PRTN3: variants seen among roughly 807,000 people sequenced by gnomAD.
PRTN3 encodes the protein proteinase 3, also known as myeloblastin.
In PRTN3, 22 loss-of-function variants were observed where a neutral mutation model predicts 20.7. The ratio of observed to expected loss-of-function variants is 1.06; its 90% CI spans 0.76 to 1.52. The LOEUF (loss-of-function observed/expected upper bound fraction) is 1.52, where lower values mean the gene tolerates loss of function less well. Ranked by LOEUF, PRTN3 falls within the 40% of genes most tolerant of loss-of-function variation. PRTN3 has a pLI of 0.00. For missense variants in PRTN3, 378 were observed against 359.6 expected (o/e 1.05, Z -0.41); for synonymous variants, 173 against 152.9 (o/e 1.13, Z -0.97).
chr19:843,616 C>T lies in PRTN3; in HGVS notation c.217C>T (p.Leu73=), dbSNP rs1469578606. The change falls in exon 2 of 5, where the codon CTG becomes TTG. Residue 73 remains leucine (L), a synonymous_variant. Coordinates refer to ENST00000234347, the MANE Select transcript of PRTN3 (RefSeq NM_002777.4). ...CTTCGTGCTGACGGCCGCGCACTGC[C>T]TGCGGGACATGTGAGCGGCCGCCTC... is the stretch of plus-strand genomic sequence containing the variant. ...PSFVLTAAHC[L]RDIPQRLVNV... 2 of 1,587,776 alleles carry T rather than the reference C, an allele frequency of 1.3e-6. No individual in the cohort carries two copies. The highest frequency in any genetic ancestry group is 2.3e-5 in the South Asian group (2 of 88,446).
intron 1 of PRTN3, among the ~76,000 whole-genome samples, chr19:842,093 TCA>T (rs2035452574): frequency 6.6e-6 from 1 of 151,610 alleles, no homozygotes; most frequent in African/African-American, 2.4e-5. Context: ...TGGTGCAATC[TCA>T]GTTTACTGCA....
chr19:847,583 A>AG (rs1568301075), intron 4 of PRTN3, among the ~76,000 whole-genome samples: 4 of 144,476 alleles, frequency 2.8e-5, no homozygotes, highest in African/African-American at 1.1e-4. Flanking sequence ...GAGAGAGAGA[A>AG]AGAAAGAAAG....
In PRTN3 at chr19:843,951, AC is replaced by A. The variant is rs2035480441; in HGVS notation, c.289del (p.Gln97SerfsTer11). On this transcript the variant is annotated frameshift_variant, in exon 3 of 5. Coordinates refer to ENST00000234347, the MANE Select transcript of PRTN3 (RefSeq NM_002777.4). LOFTEE classifies it high-confidence loss of function. ...GAHNVRTQEP[T>X]QQHFSVAQVF... ...CCACAACGTGCGGACGCAGGAGCCC[AC>A]CCAGCAGCACTTCTCGGTGGCTCAG... 1 of 1,596,834 alleles carries A rather than the reference AC, an allele frequency of 6.3e-7. No individual in the cohort carries two copies. The highest frequency in any genetic ancestry group is 8.5e-7 in the Non-Finnish European group (1 of 1,173,860).
intron 1 of PRTN3, among the ~76,000 whole-genome samples, chr19:841,999 T>C (rs2145124129): frequency 6.6e-6 from 1 of 150,832 alleles, no homozygotes; most frequent in South Asian, 2.1e-4. Flanking sequence ...AGTGCTGGGA[T>C]TACAGGCGTG....
rs761543926 is a variant in PRTN3 at position 846,124 on chromosome 19, C to T, written c.370-23C>T. On this transcript the variant is annotated intron_variant, in intron 3 of 4. Transcript: ENST00000234347. ...ACCGTGACCTGGAAGCAGCGTCTCA[C>T]CGCCGCCTGCCTTCTGCCCCAGCTG... 3.6e-5 allele frequency: 51 copies of T among 1,400,012 alleles called. 1 individual carries two copies. In the Admixed American group the frequency reaches 5.1e-4, roughly 14 times the overall value. 86.7% of individuals were successfully genotyped at this position (1,400,012 alleles called of 1,614,324 possible).
Position 848,068 on chromosome 19 carries a change from G to A in PRTN3, c.*99G>A, listed in dbSNP as rs1034966547. The A allele has an allele frequency of 1.3e-5, 18 of 1,416,702 alleles. No individual in the cohort carries two copies. The highest frequency in any genetic ancestry group is 2.5e-4 in the Middle Eastern group (1 of 3,964). The allele number at this position is 1,416,702 out of a possible 1,614,324, so 87.8% of individuals were successfully genotyped here. A position where few individuals can be genotyped will look rare whatever the true frequency, so the allele number is the denominator to read the frequency against. ...GCAGCTCTTCCCCGAACACTGTGGC[G>A]TCCGGGACGGCCCCACCCGTCCCCC... On this transcript the variant is annotated 3_prime_UTR_variant, in exon 5 of 5. Coordinates refer to ENST00000234347, the MANE Select transcript of PRTN3 (RefSeq NM_002777.4).
chr19:841,048 C>T lies in PRTN3; in HGVS notation c.40C>T (p.Leu14=). The change falls in exon 1 of 5, where the codon CTG becomes TTG. Residue 14 remains leucine, a synonymous_variant. Transcript: ENST00000234347. ...RPPSPALASV[L]LALLLSGAAR... is the part of the protein sequence containing the mutation. ...CCCCAGCCCTGCCCTGGCGTCCGTG[C>T]TGCTGGCCTTGCTGCTGAGCGGTGA... 6.2e-7 allele frequency: 1 copy of T among 1,607,732 alleles called. No individual in the cohort carries two copies.
Position 847,699 on chromosome 19 carries a change from C to T in PRTN3, c.601-100C>T, listed in dbSNP as rs1014178605. 9.2e-6 allele frequency: 13 copies of T among 1,413,430 alleles called. No homozygotes were observed. In the Admixed American group the frequency reaches 2.1e-4, roughly 23 times the overall value. The allele number at this position is 1,413,430 out of a possible 1,614,324, so 87.6% of individuals were successfully genotyped here. On this transcript the variant is annotated intron_variant, in intron 4 of 4. Coordinates refer to ENST00000234347, the MANE Select transcript of PRTN3 (RefSeq NM_002777.4). ...GGGTGACTGGCTGTCCCCATCCTCC[C>T]GGGAGACTCAGGTGGCCCCTGATGG...
chr19:847,759 G>C, intron 4 of PRTN3, 40 bp from the exon 5 acceptor site: 1 of 1,573,436 alleles, frequency 6.4e-7, no homozygotes, highest in Non-Finnish European at 8.6e-7. Context: ...GGGAGACTCA[G>C]GTGGCCCCTG....
intron 1 of PRTN3, among the ~76,000 whole-genome samples, chr19:843,168 G>A (rs555196317): frequency 2.0e-5 from 3 of 152,216 alleles, no homozygotes; most frequent in South Asian, 4.2e-4. Context: ...CTCCTGCCTC[G>A]GCCTCCCAAA....
At chr19:841,216 C>T (rs2035434034) in intron 1 of PRTN3, 147 bp downstream of exon 1, 1 of 1,105,536 alleles carries the variant, frequency 9.0e-7, no homozygotes, top group Admixed American at 2.3e-5. Flanking sequence ...CTGCTCGGGA[C>T]CAACGCTTGC....
At chr19:842,482 T>C (rs7247992) in intron 1 of PRTN3, among the ~76,000 whole-genome samples, 53,458 of 126,554 alleles carry the variant, frequency 0.42, 11,603 homozygotes, top group Admixed American at 0.53. Flanking sequence ...TGCAGTGGTG[T>C]GATCTCGGCT....
intron 3 of PRTN3, among the ~76,000 whole-genome samples, chr19:845,327 T>G (rs928610605): frequency 6.6e-6 from 1 of 152,002 alleles, no homozygotes; most frequent in Non-Finnish European, 1.5e-5. Flanking sequence ...GAGGATCACT[T>G]GAGCCCAGGA....
In PRTN3 at chr19:841,002, C is replaced by T; in HGVS notation, c.-7C>T. The T allele has an allele frequency of 6.2e-7, 1 of 1,609,380 alleles. No individual in the cohort carries two copies. On this transcript the variant is annotated 5_prime_UTR_variant, in exon 1 of 5. Transcript: ENST00000234347. ...AGCTTGACCGTGGGTGCACCCTGGA[C>T]CCCACCATGGCTCACCGGCCCCCCA...
At chr19:847,394 G>A (rs935416334) in intron 4 of PRTN3, among the ~76,000 whole-genome samples, 4 of 151,608 alleles carry the variant, frequency 2.6e-5, no homozygotes, top group African/African-American at 4.9e-5. Flanking sequence ...CCGAGATCAC[G>A]GCACTGCACT....
intron 1 of PRTN3, among the ~76,000 whole-genome samples, chr19:842,060 C>G (rs1192295320): frequency 6.6e-6 from 1 of 151,504 alleles, no homozygotes; most frequent in Non-Finnish European, 1.5e-5. Context: ...GAATCTTGCT[C>G]TGTCGCCCAG....
At chr19:843,741 C>A (rs2035476225) in intron 2 of PRTN3, 115 bp downstream of exon 2, 1 of 1,455,672 alleles carries the variant, frequency 6.9e-7, no homozygotes, top group South Asian at 1.4e-5. Context: ...CTGCAGACCC[C>A]AGGCCCCGCG....
chr19:845,596 C>A lies in PRTN3; in HGVS notation c.370-551C>A, dbSNP rs2035505640. On this transcript the variant is annotated intron_variant, in intron 3 of 4. Transcript: ENST00000234347. Reference sequence around the variant, plus strand: ...GGGCGTGACGGCAGGTGTCTGTAGTCCCAGCTACTTGGGAGGCTGAGGCAG... The same window carrying A: ...GGGCGTGACGGCAGGTGTCTGTAGTACCAGCTACTTGGGAGGCTGAGGCAG... Among the ~76,000 whole-genome samples, 3 of 151,790 alleles carry A rather than the reference C, an allele frequency of 2.0e-5. No individual in the cohort carries two copies. The South Asian group carries it at 6.2e-4, about 32-fold the overall frequency.
rs1039910171 is a variant in PRTN3, at chr19:843,305, C to A, written c.62-156C>A. 33 of 718,180 alleles carry A rather than the reference C, an allele frequency of 4.6e-5. No individual in the cohort carries two copies. The African/African-American group carries it at 6.1e-4, about 13-fold the overall frequency. 44.5% of individuals were successfully genotyped at this position (718,180 alleles called of 1,614,324 possible). On this transcript the variant is annotated intron_variant, in intron 1 of 4. Transcript: ENST00000234347. ...TGGAAATCGTCGTAATTATAACCCCCCCGGCCTGGGCGCTGAGTCCTTCCC... is the reference window on the plus strand; with the variant it reads ...TGGAAATCGTCGTAATTATAACCCCACCGGCCTGGGCGCTGAGTCCTTCCC...
Sources: allele counts gnomAD v4.1 joint callset (sites outside exome capture counted in the v4.1 genomes callset), GRCh38; gene constraint gnomAD v4.1.1; transcripts MANE v1.5; gene names NCBI Gene and HGNC (gene_info 2026-07-23, HGNC 2026-07-21).